Variants in ABCC6 observed in about 807,000 individuals in gnomAD.
ABCC6 encodes the protein ATP binding cassette subfamily C member 6, also known as ATP-binding cassette sub-family C member 6.
Under a neutral mutation model 169.5 loss-of-function variants are expected in ABCC6, and 126 were observed. The observed-to-expected ratio is 0.74, with a 90% CI of 0.64 to 0.86. The LOEUF (loss-of-function observed/expected upper bound fraction) is 0.86, where lower values mean the gene tolerates loss of function less well. Ranked by LOEUF, ABCC6 falls within the 40% of genes least tolerant of loss-of-function variation. ABCC6 has a pLI of 0.00. For synonymous variants in ABCC6, 752 were observed against 814.7 expected, an observed-to-expected ratio of 0.92 and a Z score of 1.31; for missense variants, 1,733 against 1,927.2, an observed-to-expected ratio of 0.90 and a Z score of 1.89.
In ABCC6 at chr16:16,174,372, T is replaced by C. The variant is rs575477567; in HGVS notation, c.2667-968A>G. Among the ~76,000 whole-genome samples, 7 of 152,334 alleles carry C rather than the reference T, an allele frequency of 4.6e-5. No individual in the cohort carries two copies. In the East Asian group the frequency reaches 1.4e-3, roughly 29 times the overall value. On this transcript the variant is annotated intron_variant, in intron 20 of 30. Coordinates refer to ENST00000205557, the MANE Select transcript of ABCC6 (RefSeq NM_001171.6). ...TGTCCTTCACCTTCCTTTTTCTGTC[T>C]ATTAATCTTTGACCCCGTGGCTGTA...
chr16:16,195,233 A>G (rs183387207), intron 10 of ABCC6, among the ~76,000 whole-genome samples: 122 of 152,084 alleles, frequency 8.0e-4, no homozygotes, highest in African/African-American at 2.9e-3. Context: ...CTGTCTACCA[A>G]GAGGCAGGAA....
At chr16:16,197,938 G>T in intron 10 of ABCC6, 83 bp downstream of exon 10, 2 of 1,440,826 alleles carry the variant, frequency 1.4e-6, no homozygotes. Flanking sequence ...TCAGGAGGAG[G>T]AAGGGTGGGA....
At chr16:16,180,871 G>T (rs2047443500) in intron 17 of ABCC6, among the ~76,000 whole-genome samples, 1 of 152,192 alleles carries the variant, frequency 6.6e-6, no homozygotes. Flanking sequence ...CTAGGCTCTG[G>T]AGAAACAGCA....
intron 29 of ABCC6, among the ~76,000 whole-genome samples, chr16:16,152,334 C>T (rs2046410499): frequency 6.6e-6 from 1 of 151,910 alleles, no homozygotes; most frequent in Non-Finnish European, 1.5e-5. Flanking sequence ...TGGGAACTGA[C>T]CCCTGGGGCC....
chr16:16,185,093 G>T, intron 14 of ABCC6, 59 bp from the exon 15 acceptor site: 2 of 1,485,324 alleles, frequency 1.3e-6, no homozygotes, highest in South Asian at 1.1e-5. Context: ...CTCTGCATCG[G>T]AGAGGCCCCC....
rs901767838 is a variant in ABCC6 at position 16,189,102 on chromosome 16, G to A, written c.1636-128C>T. 1.2e-4 allele frequency: 129 copies of A among 1,080,256 alleles called. 1 individual carries two copies. The highest frequency in any genetic ancestry group is 1.6e-4 in the Non-Finnish European group (116 of 719,316). 66.9% of individuals were successfully genotyped at this position (1,080,256 alleles called of 1,614,324 possible). A position where few individuals can be genotyped will look rare whatever the true frequency, so the allele number is the denominator to read the frequency against. On this transcript the variant is annotated intron_variant, in intron 12 of 30. Coordinates refer to ENST00000205557, the MANE Select transcript of ABCC6 (RefSeq NM_001171.6). ...GCCATGTCCGCATGTGCTTCCCTCC[G>A]TAGATCCCACTCCCAGTCCTGCTAA...
intron 10 of ABCC6, among the ~76,000 whole-genome samples, chr16:16,193,861 G>A (rs1000469867): frequency 6.6e-6 from 1 of 152,342 alleles, no homozygotes; most frequent in African/African-American, 2.4e-5. Context: ...GTCAGACTTG[G>A]GTCCTAAGAT....
chr16:16,181,480 A>G (rs1053776575), intron 17 of ABCC6, among the ~76,000 whole-genome samples: 4 of 152,136 alleles, frequency 2.6e-5, no homozygotes, highest in African/African-American at 9.7e-5. Context: ...GTGAGGGATG[A>G]GCCCTGGGGA....
intron 8 of ABCC6, among the ~76,000 whole-genome samples, chr16:16,202,890 G>A (rs2048288975): frequency 6.6e-6 from 1 of 152,190 alleles, no homozygotes; most frequent in South Asian, 2.1e-4. Flanking sequence ...AGCCATGCTG[G>A]CTCTGAGCCT....
rs1222032585 is a variant in ABCC6, at chr16:16,149,871, G to C, written c.*262C>G. On this transcript the variant is annotated 3_prime_UTR_variant, in exon 31 of 31. Transcript: ENST00000205557. ...CCAGGTGAGTCCAGAGTACAGCGGG[G>C]CTGAGAGTCGCTGTTGACATTGGCT... 7.0e-6 allele frequency: 4 copies of C among 574,518 alleles called. No homozygotes were observed. The East Asian group carries it at 1.2e-4, about 18-fold the overall frequency. 35.6% of individuals were successfully genotyped at this position (574,518 alleles called of 1,614,324 possible). A position where few individuals can be genotyped will look rare whatever the true frequency, so the allele number is the denominator to read the frequency against.
chr16:16,211,253 T>C (rs149903590), intron 6 of ABCC6, among the ~76,000 whole-genome samples: 54 of 151,226 alleles, frequency 3.6e-4, no homozygotes, highest in African/African-American at 5.1e-4. Flanking sequence ...AATACAAAAT[T>C]AGCCGAGCAT....
intron 17 of ABCC6, 141 bp from the exon 18 acceptor site, chr16:16,179,106 G>T: frequency 1.1e-6 from 1 of 948,294 alleles, no homozygotes; most frequent in Non-Finnish European, 1.6e-6. Flanking sequence ...GACAGGCCCA[G>T]CTTCCAAGGC....
chr16:16,150,095 C>T lies in ABCC6; in HGVS notation c.*38G>A, dbSNP rs59461468. ...TCCATCTCCAGCACTGCAGGCTGTG[C>T]GGGCTGGTCCAACTGGGGTACGGTT... is the stretch of plus-strand genomic sequence containing the variant. On this transcript the variant is annotated 3_prime_UTR_variant, in exon 31 of 31. Transcript: ENST00000205557. 1.8e-3 allele frequency: 2,930 copies of T among 1,609,912 alleles called. 82 individuals are homozygous for T. In the Admixed American group the frequency reaches 0.043, roughly 24 times the overall value.
At chr16:16,168,695 C>T (rs538596395) in intron 22 of ABCC6, among the ~76,000 whole-genome samples, 5 of 152,172 alleles carry the variant, frequency 3.3e-5, no homozygotes, top group Non-Finnish European at 7.4e-5. Context: ...TGTCAACCAT[C>T]GTGATGGATG....
At chr16:16,166,356 G>C (rs2046873516) in intron 22 of ABCC6, among the ~76,000 whole-genome samples, 1 of 151,902 alleles carries the variant, frequency 6.6e-6, no homozygotes, top group Non-Finnish European at 1.5e-5. Context: ...TACCCTGCTT[G>C]TTTCTTGATG....
chr16:16,184,063 G>T (rs902056615), intron 15 of ABCC6: 39 of 171,124 alleles, frequency 2.3e-4, no homozygotes, highest in Non-Finnish European at 9.1e-5. Flanking sequence ...GCTGGGTGTG[G>T]TAGCATGCGC....
At chr16:16,153,097 G>T (rs750062386) in intron 29 of ABCC6, among the ~76,000 whole-genome samples, 10 of 152,124 alleles carry the variant, frequency 6.6e-5, no homozygotes, top group South Asian at 6.2e-4. Context: ...TAGAGACGGG[G>T]CTTCACCATA....
intron 23 of ABCC6, among the ~76,000 whole-genome samples, chr16:16,164,762 C>G (rs2046826087): frequency 6.6e-6 from 1 of 152,262 alleles, no homozygotes; most frequent in South Asian, 2.1e-4. Flanking sequence ...CACATAGTAT[C>G]TGAGGCAGTA....
intron 10 of ABCC6, among the ~76,000 whole-genome samples, chr16:16,194,841 G>C (rs1275146025): frequency 6.6e-6 from 1 of 151,758 alleles, no homozygotes; most frequent in Non-Finnish European, 1.5e-5. Flanking sequence ...TGTGTCACTC[G>C]GCTAATTTTT....
Sources: allele counts gnomAD v4.1 joint callset (sites outside exome capture counted in the v4.1 genomes callset), GRCh38; gene constraint gnomAD v4.1.1; transcripts MANE v1.5; gene names NCBI Gene and HGNC (gene_info 2026-07-23, HGNC 2026-07-21).